The following ATF7 variants were observed in gnomAD, a reference collection of about 807,000 sequenced individuals.
ATF7 encodes the protein activating transcription factor 7.
ATF7 carries 10 observed loss-of-function variants against 50.4 expected under a neutral mutation model. The observed-to-expected ratio is 0.20, with a 90% confidence interval of 0.12 to 0.34. The LOEUF is 0.34. Ranked by LOEUF, ATF7 falls within the 10% of genes least tolerant of loss-of-function variation. The probability of loss-of-function intolerance (pLI) is 1.00; values close to 1 mark genes in which losing one functional copy is unlikely to be tolerated. For synonymous variants in ATF7, 201 were observed against 226.4 expected (o/e 0.89, Z 1.01); for missense variants, 465 against 613.9 (o/e 0.76, Z 2.56).
Position 53,512,308 on chromosome 12 carries a change from C to CA in ATF7, c.*4828dup, listed in dbSNP as rs1944152036. On this transcript the variant is annotated 3_prime_UTR_variant, in exon 12 of 12. Coordinates refer to ENST00000420353, the MANE Select transcript of ATF7 (RefSeq NM_006856.3). ...GAAAAGGGAAAAGACAGTTTTGTAA[C>CA]AAAAAACAAAATAGCCTGCAGCACT... 6.6e-6 allele frequency: 1 copy of CA among 152,130 alleles called. No homozygotes were observed. The highest frequency in any genetic ancestry group is 2.4e-5 in the African/African-American group (1 of 41,402). The allele number at this position is 152,130 out of a possible 1,614,324, so 9.4% of individuals were successfully genotyped here.
intron 2 of ATF7, chr12:53,600,740 G>C: frequency 2.0e-6 from 1 of 497,414 alleles, no homozygotes; most frequent in South Asian, 2.5e-5. Flanking sequence ...ACAAACACCA[G>C]TAGAATAACA....
intron 1 of ATF7, among the ~76,000 whole-genome samples, chr12:53,611,023 T>C (rs1943850563): frequency 6.6e-6 from 1 of 152,078 alleles, no homozygotes; most frequent in Admixed American, 6.5e-5. Context: ...CAGGGGGTCT[T>C]GCCATGTAGC....
chr12:53,609,210 AAT>A (rs1408662013), intron 1 of ATF7, among the ~76,000 whole-genome samples: 1 of 149,758 alleles, frequency 6.7e-6, no homozygotes, highest in Non-Finnish European at 1.5e-5. Flanking sequence ...GCTGGAGTCC[AAT>A]GGTGTGTTCT....
chr12:53,582,839 C>G (rs1942503083), intron 2 of ATF7, among the ~76,000 whole-genome samples: 2 of 152,168 alleles, frequency 1.3e-5, no homozygotes, highest in Admixed American at 1.3e-4. Flanking sequence ...CCACCTCGGC[C>G]TCCCAAAGTG....
intron 2 of ATF7, among the ~76,000 whole-genome samples, chr12:53,556,746 G>A (rs1291607378): frequency 2.0e-5 from 3 of 152,188 alleles, no homozygotes; most frequent in East Asian, 3.8e-4. Flanking sequence ...CACAGCTGGG[G>A]TGAGTGGGCC....
chr12:53,617,371 T>A (rs941313198), intron 1 of ATF7, among the ~76,000 whole-genome samples: 15 of 152,196 alleles, frequency 9.9e-5, no homozygotes, highest in African/African-American at 3.4e-4. Flanking sequence ...CTCACACCTG[T>A]AATCCCAGCA....
chr12:53,620,145 A>G (rs1156810653), intron 1 of ATF7, among the ~76,000 whole-genome samples: 2 of 151,826 alleles, frequency 1.3e-5, no homozygotes, highest in Non-Finnish European at 2.9e-5. Flanking sequence ...CCCTGTCTCA[A>G]AAAAAAACCA....
At chr12:53,587,841 A>ATT (rs1455265890) in intron 2 of ATF7, among the ~76,000 whole-genome samples, 30 of 46,402 alleles carry the variant, frequency 6.5e-4, no homozygotes, top group African/African-American at 1.5e-3. Flanking sequence ...ATATATATAT[A>ATT]TATTTTTTTT....
intron 9 of ATF7, among the ~76,000 whole-genome samples, chr12:53,525,924 C>T (rs1592784341): frequency 1.3e-5 from 2 of 152,172 alleles, no homozygotes; most frequent in African/African-American, 2.4e-5. Context: ...TAAGTTATAC[C>T]GACCAGCTGG....
intron 2 of ATF7, among the ~76,000 whole-genome samples, chr12:53,572,726 C>T (rs1037705462): frequency 1.3e-5 from 2 of 151,856 alleles, no homozygotes; most frequent in Non-Finnish European, 2.9e-5. Flanking sequence ...GTGGGAGGAC[C>T]GCTTGAGCCC....
intron 1 of ATF7, among the ~76,000 whole-genome samples, chr12:53,618,737 G>A (rs947860072): frequency 6.6e-6 from 1 of 152,024 alleles, no homozygotes; most frequent in African/African-American, 2.4e-5. Flanking sequence ...AGTTGGTATA[G>A]GTTTTTATTC....
chr12:53,588,350 T>C (rs1398454796), intron 2 of ATF7, among the ~76,000 whole-genome samples: 3 of 152,140 alleles, frequency 2.0e-5, no homozygotes, highest in Non-Finnish European at 2.9e-5. Context: ...GAGTGGAGAA[T>C]TGTATTATTC....
chr12:53,615,781 A>G (rs1176618473), intron 1 of ATF7, among the ~76,000 whole-genome samples: 1 of 151,990 alleles, frequency 6.6e-6, no homozygotes, highest in Non-Finnish European at 1.5e-5. Context: ...TGGGAGGCTG[A>G]GGCAGGAGGA....
chr12:53,622,341 C>T (rs1445570950), intron 1 of ATF7, among the ~76,000 whole-genome samples: 1 of 151,272 alleles, frequency 6.6e-6, no homozygotes, highest in African/African-American at 2.4e-5. Flanking sequence ...AAATAGCTGG[C>T]CGGGCGTGGT....
chr12:53,591,886 T>C (rs1383940664), intron 2 of ATF7, among the ~76,000 whole-genome samples: 1 of 152,190 alleles, frequency 6.6e-6, no homozygotes, highest in Admixed American at 6.5e-5. Context: ...GCTGCAGATT[T>C]ATTCTGCTGA....
intron 1 of ATF7, among the ~76,000 whole-genome samples, chr12:53,602,128 G>T (rs1025878538): frequency 2.0e-5 from 3 of 151,890 alleles, no homozygotes; most frequent in Non-Finnish European, 2.9e-5. Flanking sequence ...TGGAGTGGGG[G>T]GTAAAATAGT....
In ATF7 at chr12:53,558,371, G is replaced by GAT. The variant is rs1940878024; in HGVS notation, c.49-5736_49-5735dup. Among the ~76,000 whole-genome samples the GAT allele has an allele frequency of 2.0e-5, 3 of 152,266 alleles. No individual in the cohort carries two copies. The South Asian group carries it at 6.2e-4, about 32-fold the overall frequency. On this transcript the variant is annotated intron_variant, in intron 2 of 11. Coordinates refer to ENST00000420353, the MANE Select transcript of ATF7 (RefSeq NM_006856.3). Reference sequence around the variant, plus strand: ...TCAGTTGTGTTTGTTGAGAAACCCTGATACAGAGTAACAGGGGAAGAGAAA... The same window carrying GAT: ...TCAGTTGTGTTTGTTGAGAAACCCTGATATACAGAGTAACAGGGGAAGAGAAA...
At chr12:53,593,138 CTAATGACTG>C (rs1207202801) in intron 2 of ATF7, among the ~76,000 whole-genome samples, 2 of 152,174 alleles carry the variant, frequency 1.3e-5, no homozygotes, top group African/African-American at 4.8e-5. Context: ...GGTGCAGTTG[CTAATGACTG>C]TAATCCCAAG....
rs191365390 is a variant in ATF7 at position 53,517,974 on chromosome 12, C to T, written c.1235-620G>A. 2.3e-3 allele frequency among the ~76,000 whole-genome samples: 346 copies of T among 152,312 alleles called. 2 individuals carry two copies. Among genetic ancestry groups the T allele is most frequent in the African/African-American group, 7.9e-3 (327 of 41,562 alleles). ...CTGCCATCCAGGTTCAAGTGATTCT[C>T]GTGCCTCAGCCTTCCGAGTAGCTGG... On this transcript the variant is annotated intron_variant, in intron 11 of 11. Coordinates refer to ENST00000420353, the MANE Select transcript of ATF7 (RefSeq NM_006856.3).
Sources: gnomAD v4.1 joint callset for allele counts (sites outside exome capture counted in the v4.1 genomes callset) on GRCh38, gnomAD v4.1.1 for gene constraint, MANE v1.5 for transcripts, NCBI Gene and HGNC (gene_info 2026-07-23, HGNC 2026-07-21) for gene names.